The following ATP9B variants were observed in gnomAD, a reference collection of about 807,000 sequenced individuals.
ATP9B encodes ATPase phospholipid transporting 9B, also known as probable phospholipid-transporting ATPase IIB.
A neutral mutation model predicts 146.1 loss-of-function variants in ATP9B; 110 were observed. The observed-to-expected ratio is 0.75, with a 90% CI of 0.65 to 0.88. The LOEUF (loss-of-function observed/expected upper bound fraction) is 0.88. Ranked by LOEUF, ATP9B falls within the 40% of genes least tolerant of loss-of-function variation. The probability of loss-of-function intolerance (pLI) is 0.00; values close to 1 mark genes in which losing one functional copy is unlikely to be tolerated. For synonymous variants in ATP9B, 604 were observed against 569.7 expected (o/e 1.06, Z -0.86); for missense variants, 1,499 against 1,496.4 (o/e 1.00, Z -0.03).
At chr18:79,163,292 A>C (rs1028845873) in intron 7 of ATP9B, among the ~76,000 whole-genome samples, 12 of 152,246 alleles carry the variant, frequency 7.9e-5, no homozygotes, top group African/African-American at 2.9e-4. Context: ...ATATGATTTA[A>C]CATGAGGCAT....
intron 7 of ATP9B, among the ~76,000 whole-genome samples, chr18:79,176,277 A>G (rs577311939): frequency 2.0e-5 from 3 of 152,336 alleles, no homozygotes; most frequent in East Asian, 3.9e-4. Context: ...ACGGCCAAAG[A>G]GTAGTGGATT....
At chr18:79,329,443 A>G (rs1200922481) in intron 16 of ATP9B, 141 bp downstream of exon 16, 6 of 893,292 alleles carry the variant, frequency 6.7e-6, no homozygotes, top group Non-Finnish European at 9.3e-6. Flanking sequence ...TTTTTTTTTT[A>G]ATGAAATCTA....
chr18:79,204,898 G>A (rs959831721), intron 9 of ATP9B, among the ~76,000 whole-genome samples: 6 of 152,106 alleles, frequency 3.9e-5, no homozygotes, highest in African/African-American at 1.4e-4. Flanking sequence ...AAATGCCAGT[G>A]TATATTTTTG....
At chr18:79,175,670 C>T (rs1225781354) in intron 7 of ATP9B, among the ~76,000 whole-genome samples, 6 of 152,116 alleles carry the variant, frequency 3.9e-5, no homozygotes, top group African/African-American at 1.4e-4. Flanking sequence ...CACACAGATC[C>T]TCAGGTACTT....
At chr18:79,313,175 T>A (rs1472099508) in intron 15 of ATP9B, among the ~76,000 whole-genome samples, 4 of 152,114 alleles carry the variant, frequency 2.6e-5, no homozygotes, top group African/African-American at 9.7e-5. Context: ...GGAATTGGGG[T>A]GTGTGTATGT....
chr18:79,344,418 C>A, intron 21 of ATP9B, 64 bp downstream of exon 21: 1 of 1,456,192 alleles, frequency 6.9e-7, no homozygotes, highest in Non-Finnish European at 9.6e-7. Context: ...TGGTCCCTGG[C>A]TGAGTGTCTG....
intron 2 of ATP9B, among the ~76,000 whole-genome samples, chr18:79,101,046 C>T (rs543041992): frequency 6.6e-6 from 1 of 151,836 alleles, no homozygotes; most frequent in African/African-American, 2.4e-5. Flanking sequence ...CCCAGTTTAC[C>T]CCAGTTGTTA....
intron 12 of ATP9B, among the ~76,000 whole-genome samples, chr18:79,260,228 T>C (rs1309416053): frequency 3.3e-5 from 5 of 152,058 alleles, no homozygotes; most frequent in East Asian, 1.9e-4. Context: ...GAAGGGGAAG[T>C]AGTCACCTTC....
chr18:79,309,576 GAGGA>G (rs2096640909), intron 15 of ATP9B, among the ~76,000 whole-genome samples: 2 of 122,470 alleles, frequency 1.6e-5, no homozygotes, highest in East Asian at 4.6e-4. Context: ...GTCAGGGGCT[GAGGA>G]GTGATCCCCA....
intron 28 of ATP9B, among the ~76,000 whole-genome samples, chr18:79,374,880 G>A (rs2097094390): frequency 6.6e-6 from 1 of 152,236 alleles, no homozygotes; most frequent in Non-Finnish European, 1.5e-5. Flanking sequence ...AACACACTCA[G>A]TGCCACAGTG....
intron 10 of ATP9B, chr18:79,209,658 T>C (rs1046112644): frequency 1.0e-6 from 1 of 985,284 alleles, no homozygotes; most frequent in Admixed American, 6.2e-5. Flanking sequence ...TAGCATTCAG[T>C]GTTGTGTCTT....
chr18:79,189,203 C>T lies in ATP9B; in HGVS notation c.874-3980C>T, dbSNP rs771890160. Among the ~76,000 whole-genome samples the T allele has an allele frequency of 5.3e-5, 8 of 152,094 alleles. No homozygotes were observed. In the South Asian group the frequency reaches 1.0e-3, roughly 20 times the overall value. ...CTCTAATAAAAATATAAAAATCATC[C>T]GGGCGTGGTGGTGTGCACCTGTAAT... On this transcript the variant is annotated intron_variant, in intron 8 of 29. Transcript: ENST00000426216.
Position 79,131,231 on chromosome 18 carries a change from T to TA in ATP9B, c.667+4857dup, listed in dbSNP as rs2094372830. Among the ~76,000 whole-genome samples, 8 of 152,244 alleles carry TA rather than the reference T, an allele frequency of 5.3e-5. No homozygotes were observed. The South Asian group carries it at 1.0e-3, about 20-fold the overall frequency. On this transcript the variant is annotated intron_variant, in intron 5 of 29. Coordinates refer to ENST00000426216, the MANE Select transcript of ATP9B (RefSeq NM_198531.5). ...TACGCTTTCGTGCATCTAAGGGCAT[T>TA]ATCAAAAATGTAAAAAGAAAGAATG...
chr18:79,272,370 C>T (rs1420559076), intron 12 of ATP9B, among the ~76,000 whole-genome samples: 5 of 152,196 alleles, frequency 3.3e-5, no homozygotes, highest in Non-Finnish European at 7.3e-5. Flanking sequence ...GCACCGTATG[C>T]ATGTATGTAT....
chr18:79,163,901 C>CACACAG (rs1469894500), intron 7 of ATP9B, among the ~76,000 whole-genome samples: 4 of 151,206 alleles, frequency 2.6e-5, no homozygotes, highest in Non-Finnish European at 4.4e-5. Context: ...CACACACACA[C>CACACAG]ACACAGGGGG....
chr18:79,109,661 G>C (rs905035933), intron 2 of ATP9B, among the ~76,000 whole-genome samples: 1 of 151,614 alleles, frequency 6.6e-6, no homozygotes, highest in South Asian at 2.1e-4. Context: ...TGCCTCCCGG[G>C]TTCAAGCTAT....
chr18:79,364,223 GC>G (rs2097012024), intron 26 of ATP9B: 1 of 148,466 alleles, frequency 6.7e-6, no homozygotes, highest in African/African-American at 2.5e-5. Context: ...TCGAGATCGC[GC>G]CACTGCACTC....
chr18:79,074,691 T>G lies in ATP9B; in HGVS notation c.119+5162T>G, dbSNP rs565394942. Among the ~76,000 whole-genome samples the G allele has an allele frequency of 5.9e-5, 9 of 152,094 alleles. No homozygotes were observed. In the East Asian group the frequency reaches 1.7e-3, roughly 30 times the overall value. On this transcript the variant is annotated intron_variant, in intron 1 of 29. Coordinates refer to ENST00000426216, the MANE Select transcript of ATP9B (RefSeq NM_198531.5). ...AGTATCCCTTGGTGGGAGAGGGGAG[T>G]CTCAGGAAGTCACTGCTGCCTTCTT...
At chr18:79,338,114 G>A (rs1452682222) in intron 19 of ATP9B, among the ~76,000 whole-genome samples, 2 of 152,230 alleles carry the variant, frequency 1.3e-5, no homozygotes, top group East Asian at 3.8e-4. Flanking sequence ...TTAGAGTTGA[G>A]AATATAGAAT....
Sources: allele counts gnomAD v4.1 joint callset (sites outside exome capture counted in the v4.1 genomes callset), GRCh38; gene constraint gnomAD v4.1.1; transcripts MANE v1.5; gene names NCBI Gene and HGNC (gene_info 2026-07-23, HGNC 2026-07-21).